DNER: variants seen among roughly 807,000 people sequenced by gnomAD.
DNER encodes delta and Notch-like epidermal growth factor-related receptor.
DNER carries 33 observed loss-of-function variants against 78.2 expected under a neutral mutation model. That is an observed-to-expected ratio of 0.42 (90% CI 0.32 to 0.56). The LOEUF (loss-of-function observed/expected upper bound fraction) is 0.56. DNER is among the 20% of genes least tolerant of loss of function. The probability of loss-of-function intolerance (pLI) is 0.11; values close to 1 mark genes in which losing one functional copy is unlikely to be tolerated. For synonymous variants in DNER, 417 were observed against 384.8 expected, an observed-to-expected ratio of 1.08 and a Z score of -0.98; for missense variants, 918 against 975.3, an observed-to-expected ratio of 0.94 and a Z score of 0.78.
At chr2:229,513,085 C>T (rs1027193908) in intron 5 of DNER, 149 bp from the exon 6 acceptor site, 19 of 899,002 alleles carry the variant, frequency 2.1e-5, no homozygotes, top group Non-Finnish European at 2.9e-5. Flanking sequence ...TTGAAATCAT[C>T]GCTTTAAGAC....
intron 1 of DNER, among the ~76,000 whole-genome samples, chr2:229,670,096 T>C (rs10191393): frequency 0.064 from 9,685 of 152,272 alleles, 700 homozygotes; most frequent in African/African-American, 0.17. Flanking sequence ...GGAACTGCTG[T>C]TGCAGCAATC....
chr2:229,491,128 A>C (rs557835096), intron 6 of DNER, among the ~76,000 whole-genome samples: 1 of 152,204 alleles, frequency 6.6e-6, no homozygotes, highest in South Asian at 2.1e-4. Context: ...CAGCTTGCTC[A>C]GGTCTCATCA....
chr2:229,552,958 C>T (rs192270421), intron 4 of DNER, among the ~76,000 whole-genome samples: 1 of 152,268 alleles, frequency 6.6e-6, no homozygotes, highest in East Asian at 1.9e-4. Flanking sequence ...TGGATGAAAT[C>T]AATTGCTGTG....
chr2:229,586,652 G>T (rs1697508762), intron 3 of DNER: 1 of 983,406 alleles, frequency 1.0e-6, no homozygotes, highest in Admixed American at 6.2e-5. Flanking sequence ...ACAGCCCAAT[G>T]CTTCAGCTAC....
At chr2:229,410,096 A>G (rs1693477080) in intron 9 of DNER, among the ~76,000 whole-genome samples, 1 of 152,044 alleles carries the variant, frequency 6.6e-6, no homozygotes. Context: ...CTGAGGAGTC[A>G]CCTTCTTTCA....
At chr2:229,469,212 T>G (rs941742802) in intron 7 of DNER, among the ~76,000 whole-genome samples, 4 of 152,136 alleles carry the variant, frequency 2.6e-5, no homozygotes, top group Non-Finnish European at 5.9e-5. Flanking sequence ...CAGAGCCCCA[T>G]GAGGGACAGC....
chr2:229,593,807 T>C (rs1258541996), intron 1 of DNER, among the ~76,000 whole-genome samples: 1 of 152,254 alleles, frequency 6.6e-6, no homozygotes, highest in Non-Finnish European at 1.5e-5. Flanking sequence ...TTCAAAGCCA[T>C]GCTTCTGAAA....
chr2:229,635,947 A>AT (rs1284992185), intron 1 of DNER, among the ~76,000 whole-genome samples: 2 of 151,514 alleles, frequency 1.3e-5, no homozygotes, highest in Non-Finnish European at 2.9e-5. Flanking sequence ...TATTATATAT[A>AT]TTTTTTATAT....
chr2:229,447,025 T>C (rs1694355247), intron 8 of DNER, among the ~76,000 whole-genome samples: 2 of 152,220 alleles, frequency 1.3e-5, no homozygotes, highest in African/African-American at 4.8e-5. Context: ...TTTTCAATTT[T>C]CTTTATTTTG....
intron 7 of DNER, among the ~76,000 whole-genome samples, chr2:229,448,365 C>A (rs1309869075): frequency 6.6e-6 from 1 of 152,082 alleles, no homozygotes; most frequent in African/African-American, 2.4e-5. Context: ...ATGGCTGGGC[C>A]GGAAAGAGGA....
chr2:229,517,855 C>T lies in DNER; in HGVS notation c.994-4919G>A, dbSNP rs529161489. Among the ~76,000 whole-genome samples the T allele has an allele frequency of 1.3e-4, 20 of 152,294 alleles. No individual in the cohort carries two copies. The South Asian group carries it at 4.1e-3, about 32-fold the overall frequency. On this transcript the variant is annotated intron_variant, in intron 5 of 12. Transcript: ENST00000341772. The stretch of plus-strand genomic sequence containing the variant: ...CAAGAAACTATCCAGTCCCAAATGT[C>T]AGTGGTGCTGAGCTTGAGAAACCCT...
At chr2:229,641,163 G>T (rs143564548) in intron 1 of DNER, among the ~76,000 whole-genome samples, 2 of 152,170 alleles carry the variant, frequency 1.3e-5, no homozygotes. Flanking sequence ...CAGAAATATC[G>T]GAAGTCAACA....
At chr2:229,549,647 C>T (rs1212173740) in intron 4 of DNER, among the ~76,000 whole-genome samples, 1 of 152,096 alleles carries the variant, frequency 6.6e-6, no homozygotes, top group Non-Finnish European at 1.5e-5. Context: ...CATGGTGGCT[C>T]ATGCCTGTAA....
chr2:229,630,195 G>A (rs1698409963), intron 1 of DNER, among the ~76,000 whole-genome samples: 1 of 152,126 alleles, frequency 6.6e-6, no homozygotes, highest in South Asian at 2.1e-4. Flanking sequence ...AACCTTCTGG[G>A]CCAGGAATGG....
chr2:229,391,732 G>A (rs774584741), intron 10 of DNER, among the ~76,000 whole-genome samples: 8 of 151,868 alleles, frequency 5.3e-5, no homozygotes, highest in South Asian at 4.2e-4. Context: ...TAGTAGAGAC[G>A]GGGTTTCACC....
intron 1 of DNER, among the ~76,000 whole-genome samples, chr2:229,600,880 C>A (rs1291067020): frequency 1.3e-5 from 2 of 152,166 alleles, no homozygotes; most frequent in Non-Finnish European, 2.9e-5. Flanking sequence ...ATTGAAATAG[C>A]AGGAGAGTGA....
intron 4 of DNER, among the ~76,000 whole-genome samples, chr2:229,559,191 G>T (rs1249199347): frequency 1.3e-5 from 2 of 152,130 alleles, no homozygotes; most frequent in Non-Finnish European, 2.9e-5. Flanking sequence ...GAGCAATCAA[G>T]TTGGTGGTTG....
At chr2:229,546,802 TAGACAGACAGAC>T (rs113820870) in intron 5 of DNER, 133 bp downstream of exon 5, 59 of 1,108,050 alleles carry the variant, frequency 5.3e-5, no homozygotes, top group East Asian at 1.2e-4. Flanking sequence ...GATAGATAGA[TAGACAGACAGAC>T]AGACAGACAG....
chr2:229,618,204 C>A (rs1400787957), intron 1 of DNER, among the ~76,000 whole-genome samples: 1 of 151,972 alleles, frequency 6.6e-6, no homozygotes, highest in East Asian at 1.9e-4. Flanking sequence ...AATAGTGAAT[C>A]CAAAATTCCC....
Sources: allele counts gnomAD v4.1 joint callset (sites outside exome capture counted in the v4.1 genomes callset), GRCh38; gene constraint gnomAD v4.1.1; transcripts MANE v1.5; gene names NCBI Gene and HGNC (gene_info 2026-07-23, HGNC 2026-07-21).